Variants in ELMOD1 observed in about 807,000 individuals in gnomAD.
ELMOD1 encodes ELMO domain-containing protein 1.
ELMOD1 carries 21 observed loss-of-function variants against 46.7 expected under a neutral mutation model. The observed-to-expected ratio is 0.45, with a 90% CI of 0.32 to 0.65. The LOEUF (loss-of-function observed/expected upper bound fraction) is 0.65, where lower values mean the gene tolerates loss of function less well. Ranked by LOEUF, ELMOD1 falls within the 30% of genes least tolerant of loss-of-function variation. The pLI is 0.04. For missense variants in ELMOD1, 348 were observed against 407.8 expected (o/e 0.85, Z 1.26); for synonymous variants, 122 against 138.2 (o/e 0.88, Z 0.82).
chr11:107,591,678 G>GT (rs1055511057), intron 1 of ELMOD1: 9 of 365,316 alleles, frequency 2.5e-5, no homozygotes, highest in African/African-American at 1.9e-4. Flanking sequence ...GCGAGAGGCT[G>GT]TTTGCATCTC....
chr11:107,657,363 G>T (rs1291922849), intron 11 of ELMOD1, among the ~76,000 whole-genome samples: 1 of 152,070 alleles, frequency 6.6e-6, no homozygotes, highest in African/African-American at 2.4e-5. Flanking sequence ...AGGCAACATA[G>T]CGAGACCCTG....
intron 2 of ELMOD1, among the ~76,000 whole-genome samples, chr11:107,629,269 A>T (rs954829504): frequency 6.6e-6 from 1 of 152,200 alleles, no homozygotes; most frequent in African/African-American, 2.4e-5. Flanking sequence ...CACATTGTAG[A>T]GGCTACTAGT....
At chr11:107,648,764 A>ATTTT (rs11369220) in intron 7 of ELMOD1, among the ~76,000 whole-genome samples, 1 of 147,560 alleles carries the variant, frequency 6.8e-6, no homozygotes, top group Non-Finnish European at 1.5e-5. Context: ...GTTAGTGTCA[A>ATTTT]TTTTTTTTTT....
At chr11:107,647,846 G>T (rs1866458616) in intron 7 of ELMOD1, among the ~76,000 whole-genome samples, 1 of 152,064 alleles carries the variant, frequency 6.6e-6, no homozygotes, top group Admixed American at 6.5e-5. Context: ...TTTTATTATT[G>T]AAAATTTTCA....
chr11:107,626,650 C>A, intron 2 of ELMOD1, among the ~76,000 whole-genome samples: 1 of 109,964 alleles, frequency 9.1e-6, no homozygotes, highest in Non-Finnish European at 1.9e-5. Context: ...CTCTCTCTTT[C>A]TTTCTTTTTC....
chr11:107,660,372 G>A (rs1177956661), intron 11 of ELMOD1, among the ~76,000 whole-genome samples: 2 of 152,190 alleles, frequency 1.3e-5, no homozygotes, highest in Admixed American at 6.5e-5. Flanking sequence ...ACACTGAGCT[G>A]CCAAGGTACT....
chr11:107,600,314 T>C (rs1203945331), intron 1 of ELMOD1: 4 of 152,202 alleles, frequency 2.6e-5, no homozygotes, highest in African/African-American at 9.6e-5. Flanking sequence ...AAATAAATTT[T>C]TTTAATTTAA....
chr11:107,633,710 C>T (rs759200027), intron 5 of ELMOD1, among the ~76,000 whole-genome samples: 1 of 152,122 alleles, frequency 6.6e-6, no homozygotes, highest in African/African-American at 2.4e-5. Flanking sequence ...AGATTACAGG[C>T]GTAAGACACC....
chr11:107,651,015 A>T lies in ELMOD1; in HGVS notation c.647+107A>T, dbSNP rs191587285. ...TGAATTTATTTGTTTCAAAAAGCCA[A>T]CATTTTCAAACCTTTAATCTAATAT... On this transcript the variant is annotated intron_variant, in intron 9 of 11. Coordinates refer to ENST00000265840, the MANE Select transcript of ELMOD1 (RefSeq NM_018712.4). The T allele has an allele frequency of 1.3e-5, 8 of 634,492 alleles. No homozygotes were observed. The East Asian group carries it at 3.7e-4, about 30-fold the overall frequency. 39.3% of individuals were successfully genotyped at this position (634,492 alleles called of 1,614,324 possible).
At chr11:107,635,165 A>G (rs1382619308) in intron 5 of ELMOD1, among the ~76,000 whole-genome samples, 2 of 152,088 alleles carry the variant, frequency 1.3e-5, no homozygotes, top group East Asian at 1.9e-4. Flanking sequence ...TCTTCCACAC[A>G]TCTTTCTAAG....
At chr11:107,643,718 A>C (rs1341285302) in intron 6 of ELMOD1, 12 of 505,402 alleles carry the variant, frequency 2.4e-5, no homozygotes, top group Non-Finnish European at 4.0e-5. Flanking sequence ...AGGTGGCTCA[A>C]GATTTTTGTC....
rs1006534234 is a variant in ELMOD1 at position 107,596,189 on chromosome 11, AT to A, written c.-86+4788del. On this transcript the variant is annotated intron_variant, in intron 1 of 11. Transcript: ENST00000265840. ...GTTATAACTCTCCTTTCTATTTTTT[AT>A]TTTTTTTGTGTACAAGTAGTTGGTG... is the stretch of plus-strand genomic sequence containing the variant. Among the ~76,000 whole-genome samples the A allele has an allele frequency of 2.0e-5, 3 of 151,744 alleles. 1 individual carries two copies. The highest frequency in any genetic ancestry group is 2.0e-4 in the Admixed American group (3 of 15,244).
At chr11:107,626,372 T>G (rs1866040566) in intron 2 of ELMOD1, among the ~76,000 whole-genome samples, 1 of 120,216 alleles carries the variant, frequency 8.3e-6, no homozygotes, top group African/African-American at 3.4e-5. Flanking sequence ...AAGCATGCAG[T>G]CATGAAAAAA....
intron 3 of ELMOD1, 24 bp from the exon 4 acceptor site, chr11:107,630,676 C>T: frequency 6.2e-7 from 1 of 1,607,522 alleles, no homozygotes. Flanking sequence ...CTTTGAATGA[C>T]TGTTTTTGTT....
Position 107,618,150 on chromosome 11 carries a change from G to A in ELMOD1, c.-40G>A. On this transcript the variant is annotated 5_prime_UTR_variant, in exon 2 of 12. Coordinates refer to ENST00000265840, the MANE Select transcript of ELMOD1 (RefSeq NM_018712.4). ...GGCAAATTTGGAAGCAATTACTTGA[G>A]GACAGTTCATATAGCATCTGGACAG... is the stretch of plus-strand genomic sequence containing the variant. The A allele has an allele frequency of 6.4e-7, 1 of 1,560,998 alleles. No individual in the cohort carries two copies.
At chr11:107,601,347 C>T (rs996206365) in intron 1 of ELMOD1, among the ~76,000 whole-genome samples, 5 of 145,152 alleles carry the variant, frequency 3.4e-5, no homozygotes, top group African/African-American at 5.1e-5. Flanking sequence ...TTTTGCACAA[C>T]TTTTTGTTTT....
chr11:107,641,671 A>G (rs1251531863), intron 6 of ELMOD1, among the ~76,000 whole-genome samples: 1 of 152,196 alleles, frequency 6.6e-6, no homozygotes, highest in Non-Finnish European at 1.5e-5. Context: ...TGGTGCAGGA[A>G]GGTAAATCCT....
At chr11:107,627,804 T>C (rs1419925646) in intron 2 of ELMOD1, among the ~76,000 whole-genome samples, 1 of 152,192 alleles carries the variant, frequency 6.6e-6, no homozygotes, top group Non-Finnish European at 1.5e-5. Context: ...CGTCCTCTTC[T>C]CTAGGAAGAT....
intron 1 of ELMOD1, among the ~76,000 whole-genome samples, chr11:107,599,746 AAAAAAGAAAAAAAGAAAAG>A (rs1216018137): frequency 6.9e-5 from 10 of 144,684 alleles, no homozygotes; most frequent in African/African-American, 2.4e-4. Context: ...GTCTCAAAAA[AAAAAAGAAAAAAAGAAAAG>A]AAAAAAAAAA....
Sources: allele counts gnomAD v4.1 joint callset (sites outside exome capture counted in the v4.1 genomes callset), GRCh38; gene constraint gnomAD v4.1.1; transcripts MANE v1.5; gene names NCBI Gene and HGNC (gene_info 2026-07-23, HGNC 2026-07-21).